KLHL13: variants seen among roughly 807,000 people sequenced by gnomAD.
The protein encoded by KLHL13 is kelch like family member 13.
In KLHL13, 10 loss-of-function variants were observed where a neutral mutation model predicts 37.1. The observed-to-expected ratio is 0.27, with a 90% confidence interval of 0.17 to 0.46. The LOEUF (loss-of-function observed/expected upper bound fraction) is 0.46, where lower values mean the gene tolerates loss of function less well. KLHL13 is among the 20% of genes least tolerant of loss of function. KLHL13 has a pLI of 1.00. For missense variants in KLHL13, 360 were observed against 509.3 expected, an observed-to-expected ratio of 0.71 and a Z score of 2.82; for synonymous variants, 163 against 181.2, an observed-to-expected ratio of 0.90 and a Z score of 0.81.
chrX:117,936,038 G>A (rs1250412470), intron 2 of KLHL13, among the ~76,000 whole-genome samples: 1 of 111,539 alleles, frequency 9.0e-6, no homozygotes, highest in Non-Finnish European at 1.9e-5. Flanking sequence ...AACTGAAGGT[G>A]CTAGGAAAGT....
rs753227671 is a variant in KLHL13, at chrX:118,032,341, G to A, written c.-56+84167C>T. On this transcript the variant is annotated intron_variant, in intron 1 of 6. Transcript: ENST00000371882. ...AACCTCTACAGACTTAAATGTCCCTGTCTGACAGCTTTGAAGACAACAGTG... is the reference window on the plus strand; with the variant it reads ...AACCTCTACAGACTTAAATGTCCCTATCTGACAGCTTTGAAGACAACAGTG... Among the ~76,000 whole-genome samples, 186 of 112,199 alleles carry A rather than the reference G, an allele frequency of 1.7e-3. 2 individuals are homozygous for A. The highest frequency in any genetic ancestry group is 3.3e-3 in the African/African-American group (101 of 30,783).
chrX:117,993,607 T>G (rs1394828541), intron 1 of KLHL13, among the ~76,000 whole-genome samples: 1 of 111,352 alleles, frequency 9.0e-6, no homozygotes, highest in African/African-American at 3.3e-5. Flanking sequence ...TCAAGCCCTC[T>G]ACTATGCTAC....
intron 1 of KLHL13, among the ~76,000 whole-genome samples, chrX:118,038,585 G>C: frequency 9.0e-6 from 1 of 111,456 alleles, no homozygotes; most frequent in South Asian, 3.8e-4. Flanking sequence ...CTCAGCCAAC[G>C]ACCATGGAGG....
In KLHL13 at chrX:117,991,129, T is replaced by A. The variant is rs372977988; in HGVS notation, c.-55-45554A>T. Among the ~76,000 whole-genome samples, 107 of 78,854 alleles carry A rather than the reference T, an allele frequency of 1.4e-3. 2 individuals are homozygous for A. Among genetic ancestry groups the A allele is most frequent in the African/African-American group, 0.013 (102 of 7,557 alleles). The allele number at this position is 78,854 out of a possible 115,157, so 68.5% of individuals were successfully genotyped here. Reference sequence around the variant, plus strand: ...TGTTTGGAAAGGCTGGAAATTTTCATTAAAAAGTAAAAAAAAAAAAGTCTT... The same window carrying A: ...TGTTTGGAAAGGCTGGAAATTTTCAATAAAAAGTAAAAAAAAAAAAGTCTT... On this transcript the variant is annotated intron_variant, in intron 1 of 6. Coordinates refer to the KLHL13 transcript ENST00000371882.
chrX:117,949,161 G>T (rs1209333967), intron 1 of KLHL13, among the ~76,000 whole-genome samples: 1 of 112,230 alleles, frequency 8.9e-6, no homozygotes, highest in East Asian at 2.8e-4. Flanking sequence ...TATGCACAAA[G>T]ATTCTATCTT....
intron 4 of KLHL13, among the ~76,000 whole-genome samples, chrX:117,917,923 G>C (rs1474603920): frequency 8.9e-6 from 1 of 111,800 alleles, no homozygotes; most frequent in African/African-American, 3.2e-5. Context: ...TTCTGGACTT[G>C]AGGCATTTTG....
intron 1 of KLHL13, among the ~76,000 whole-genome samples, chrX:118,076,571 T>C (rs919879051): frequency 1.1e-4 from 12 of 111,522 alleles, no homozygotes; most frequent in Admixed American, 5.7e-4. Context: ...AAAGGTCTCA[T>C]GGTTAATTTA....
At chrX:118,021,852 C>G (rs901711558) in intron 1 of KLHL13, among the ~76,000 whole-genome samples, 1 of 111,736 alleles carries the variant, frequency 8.9e-6, no homozygotes, top group Non-Finnish European at 1.9e-5. Context: ...ACAGTCCCAC[C>G]AACAGTGTAA....
intron 1 of KLHL13, among the ~76,000 whole-genome samples, chrX:117,961,004 C>CA (rs1449002811): frequency 3.6e-3 from 401 of 110,821 alleles, no homozygotes; most frequent in Non-Finnish European, 6.5e-3. Context: ...ACTGAATTTT[C>CA]AAAAAAAATA....
In KLHL13 at chrX:117,920,096, C is replaced by T. The variant is rs900409589; in HGVS notation, c.373+142G>A. ...AATTTTCCATGTTAAAACAGCACCA[C>T]CGAAAACCATACATACTGTTGTGTA... is the stretch of plus-strand genomic sequence containing the variant. On this transcript the variant is annotated intron_variant, in intron 3 of 6. Coordinates refer to ENST00000262820, the Ensembl canonical transcript of KLHL13. 7.2e-6 allele frequency: 4 copies of T among 556,353 alleles called. No homozygotes were observed. The African/African-American group carries it at 7.4e-5, about 10-fold the overall frequency. 45.8% of individuals were successfully genotyped at this position (556,353 alleles called of 1,213,427 possible). A position where few individuals can be genotyped will look rare whatever the true frequency, so the allele number is the denominator to read the frequency against.
chrX:118,094,813 T>C (rs755320312), intron 1 of KLHL13, among the ~76,000 whole-genome samples: 1 of 110,885 alleles, frequency 9.0e-6, no homozygotes, highest in African/African-American at 3.3e-5. Context: ...GAAGGAGAAA[T>C]AAAATACTTT....
At chrX:117,980,740 T>C (rs1050265326) in intron 1 of KLHL13, among the ~76,000 whole-genome samples, 1 of 111,889 alleles carries the variant, frequency 8.9e-6, no homozygotes, top group Non-Finnish European at 1.9e-5. Flanking sequence ...TCATTAAAAC[T>C]GAATTTCATA....
At position 117,925,348 on chromosome X, in the gene KLHL13, C is replaced by T. The variant is rs185524486; in HGVS notation, c.241-4978G>A. Among the ~76,000 whole-genome samples the T allele has an allele frequency of 6.7e-4, 74 of 111,155 alleles. 1 individual carries two copies. Among genetic ancestry groups the T allele is most frequent in the African/African-American group, 2.3e-3 (70 of 30,680 alleles). ...ATTGTCATTTTAAGTAGAGAAAAAACGAAACACATCCTGAAAAGAGTAGTT... is the reference window on the plus strand; with the variant it reads ...ATTGTCATTTTAAGTAGAGAAAAAATGAAACACATCCTGAAAAGAGTAGTT... On this transcript the variant is annotated intron_variant, in intron 2 of 6. Transcript: ENST00000262820.
At chrX:118,023,801 A>G in intron 1 of KLHL13, among the ~76,000 whole-genome samples, 1 of 111,333 alleles carries the variant, frequency 9.0e-6, no homozygotes, top group Admixed American at 9.6e-5. Flanking sequence ...TGGACGCTTA[A>G]CCTCAGATAA....
intron 1 of KLHL13, among the ~76,000 whole-genome samples, chrX:117,999,557 G>A (rs999070717): frequency 4.5e-5 from 5 of 110,246 alleles, no homozygotes; most frequent in Non-Finnish European, 9.5e-5. Flanking sequence ...GTGGGGAGAT[G>A]GGGGAGGGAT....
At chrX:118,057,686 T>C (rs1053617685) in intron 1 of KLHL13, among the ~76,000 whole-genome samples, 4 of 109,681 alleles carry the variant, frequency 3.6e-5, no homozygotes, top group African/African-American at 1.0e-4. Flanking sequence ...ATTAGTCGGG[T>C]GTGGTGGCGG....
At chrX:118,083,296 G>A (rs758360160) in intron 1 of KLHL13, among the ~76,000 whole-genome samples, 73 of 110,171 alleles carry the variant, frequency 6.6e-4, no homozygotes, top group Non-Finnish European at 1.2e-3. Context: ...GTTTACTGCA[G>A]CACTATTAAC....
At chrX:118,096,192 A>G (rs1355858938) in intron 1 of KLHL13, among the ~76,000 whole-genome samples, 1 of 111,657 alleles carries the variant, frequency 9.0e-6, no homozygotes, top group Non-Finnish European at 1.9e-5. Flanking sequence ...CAAGACTAAT[A>G]AAGAAGAAAA....
intron 1 of KLHL13, among the ~76,000 whole-genome samples, chrX:118,044,527 A>G (rs1024450813): frequency 1.8e-5 from 2 of 111,459 alleles, no homozygotes; most frequent in African/African-American, 6.5e-5. Flanking sequence ...TGGTGCTGGA[A>G]TAAGAAAAGA....
Sources: gnomAD v4.1 joint callset for allele counts (sites outside exome capture counted in the v4.1 genomes callset) on GRCh38, gnomAD v4.1.1 for gene constraint, MANE v1.5 for transcripts, NCBI Gene and HGNC (gene_info 2026-07-23, HGNC 2026-07-21) for gene names.